The following TFF2 variants were observed in gnomAD, a reference collection of about 807,000 sequenced individuals.
TFF2 encodes the protein spasmolysin.
TFF2 carries 19 observed loss-of-function variants against 16.0 expected under a neutral mutation model. The observed-to-expected ratio is 1.19, with a 90% confidence interval of 0.83 to 1.74. The LOEUF is 1.74. TFF2 is among the 40% of genes most tolerant of loss of function. TFF2 has a pLI of 0.00. For missense variants in TFF2, 168 were observed against 166.8 expected (o/e 1.01, Z -0.04); for synonymous variants, 61 against 65.4 (o/e 0.93, Z 0.32).
intron 2 of TFF2, 144 bp from the exon 3 acceptor site, chr21:42,347,776 G>A (rs888141637): frequency 2.8e-6 from 3 of 1,075,368 alleles, no homozygotes; most frequent in Admixed American, 2.8e-5. Context: ...CCCCCGGGAC[G>A]GCCTCCCCCG....
intron 2 of TFF2, 121 bp from the exon 3 acceptor site, chr21:42,347,753 C>T (rs2052080995): frequency 3.8e-6 from 5 of 1,310,406 alleles, no homozygotes; most frequent in Non-Finnish European, 5.1e-6. Flanking sequence ...TGAGGTGCTG[C>T]CTGGGGCAGC....
chr21:42,350,153 T>TCTG, intron 1 of TFF2, 123 bp from the exon 2 acceptor site: 1 of 1,388,314 alleles, frequency 7.2e-7, no homozygotes, highest in Non-Finnish European at 9.4e-7. Context: ...AAGTCTTATC[T>TCTG]TGCCCATATT....
At chr21:42,347,984 G>C (rs1198090108) in intron 2 of TFF2, among the ~76,000 whole-genome samples, 1 of 152,136 alleles carries the variant, frequency 6.6e-6, no homozygotes, top group Non-Finnish European at 1.5e-5. Context: ...AAATGGGGTG[G>C]TCCCCCGGGC....
At position 42,347,588 on chromosome 21, in the gene TFF2, C is replaced by T; in HGVS notation, c.274G>A (p.Gly92Ser). ...TCCTCGGGGCTGATGCCCGGGTAGC[C>T]ACAGTTTCTTCGGTCTGAGACCTCC... ...VMEVSDRRNC[G>S]YPGISPEECA... is the part of the protein sequence containing the mutation. The change falls in exon 3 of 4, where the codon GGC becomes AGC. Residue 92 changes from glycine (G) to serine (S), a missense_variant. By Grantham distance (56) the Gly-to-Ser change is moderately conservative (BLOSUM62 0). Transcript: ENST00000291526. The T allele has an allele frequency of 6.2e-7, 1 of 1,614,230 alleles. No homozygotes were observed. Among genetic ancestry groups the T allele is most frequent in the Non-Finnish European group, 8.5e-7 (1 of 1,180,040 alleles).
chr21:42,349,363 C>G (rs868485448), intron 2 of TFF2, among the ~76,000 whole-genome samples: 1 of 150,896 alleles, frequency 6.6e-6, no homozygotes, highest in Non-Finnish European at 1.5e-5. Context: ...CTAGCCTACA[C>G]TAGCCCTAGA....
At chr21:42,349,229 C>G (rs577113152) in intron 2 of TFF2, among the ~76,000 whole-genome samples, 2 of 151,544 alleles carry the variant, frequency 1.3e-5, no homozygotes, top group Non-Finnish European at 2.9e-5. Flanking sequence ...GACTAACCAG[C>G]CTATGCTAGC....
At position 42,350,824 on chromosome 21, in the gene TFF2, T is replaced by C; in HGVS notation, c.79+55A>G. The C allele has an allele frequency of 2.6e-6, 4 of 1,540,360 alleles. No homozygotes were observed. In the South Asian group the frequency reaches 4.8e-5, roughly 18 times the overall value. ...AGTTAATTTATGGTTGTGCTTTTTT[T>C]TTTTCTTTAAGAGAAATAAAGAAAG... is the stretch of plus-strand genomic sequence containing the variant. On this transcript the variant is annotated intron_variant, in intron 1 of 3. Transcript: ENST00000291526.
intron 2 of TFF2, 65 bp from the exon 3 acceptor site, chr21:42,347,697 C>A: frequency 6.3e-7 from 1 of 1,579,986 alleles, no homozygotes; most frequent in East Asian, 2.3e-5. Flanking sequence ...AAGCTCCACC[C>A]CTTCCTCCTC....
chr21:42,350,860 G>T lies in TFF2; in HGVS notation c.79+19C>A, dbSNP rs370588722. The stretch of plus-strand genomic sequence containing the variant: ...GAGAAATAAAGAAAGCACATAAAAA[G>T]ACCCTCTCCTTCACTTACAGGGTTT... On this transcript the variant is annotated intron_variant, in intron 1 of 3. Coordinates refer to ENST00000291526, the MANE Select transcript of TFF2 (RefSeq NM_005423.5). The T allele has an allele frequency of 5.0e-6, 8 of 1,589,520 alleles. No homozygotes were observed. In the South Asian group the frequency reaches 6.9e-5, roughly 14 times the overall value.
chr21:42,347,962 A>G (rs1317570783), intron 2 of TFF2, among the ~76,000 whole-genome samples: 1 of 152,312 alleles, frequency 6.6e-6, no homozygotes, highest in East Asian at 1.9e-4. Context: ...CTCGGGACTC[A>G]GTGTTCTCAG....
Position 42,346,482 on chromosome 21 carries a change from T to C in TFF2, c.*51A>G. 4 of 1,611,450 alleles carry C rather than the reference T, an allele frequency of 2.5e-6. No individual in the cohort carries two copies. The highest frequency in any genetic ancestry group is 2.2e-5 in the East Asian group (1 of 44,820). On this transcript the variant is annotated 3_prime_UTR_variant, in exon 4 of 4. Coordinates refer to ENST00000291526, the MANE Select transcript of TFF2 (RefSeq NM_005423.5). Reference sequence around the variant, plus strand: ...AGCTGATAAGGCGAAGTTTCTTCTTTGGTTTCGGAACACCCGGTGAGCCAG... The same window carrying C: ...AGCTGATAAGGCGAAGTTTCTTCTTCGGTTTCGGAACACCCGGTGAGCCAG...
At chr21:42,347,357 G>A in intron 3 of TFF2, 129 bp downstream of exon 3, 1 of 1,223,738 alleles carries the variant, frequency 8.2e-7, no homozygotes, top group Non-Finnish European at 1.2e-6. Flanking sequence ...AATCCCATAG[G>A]AGGCAGGGGC....
chr21:42,346,996 C>T (rs554124465), intron 3 of TFF2, among the ~76,000 whole-genome samples: 1 of 152,334 alleles, frequency 6.6e-6, no homozygotes, highest in South Asian at 2.1e-4. Flanking sequence ...ACCCGTTCAC[C>T]TCTGCCGGCG....
Position 42,350,911 on chromosome 21 carries a change from C to G in TFF2, c.47G>C (p.Gly16Ala), listed in dbSNP as rs1397002154. Reference protein sequence around the residue: ...AQLLAALLVLGLCALAGSEKP... With the variant: ...AQLLAALLVLALCALAGSEKP... ...CTCACTCCCCGCCAGGGCACATAGC[C>G]CCAGGACGAGGAGCGCTGCCAGGAG... Residue 16 changes from glycine (G) to alanine (A), a missense_variant, in exon 1 of 4, where the codon GGG becomes GCG. Physicochemically the swap from Gly to Ala is moderately conservative, Grantham distance 60 (BLOSUM62 0). Transcript: ENST00000291526. 19 of 1,613,814 alleles carry G rather than the reference C, an allele frequency of 1.2e-5. No homozygotes were observed. The highest frequency in any genetic ancestry group is 1.6e-5 in the Non-Finnish European group (19 of 1,179,946).
intron 1 of TFF2, 91 bp downstream of exon 1, chr21:42,350,788 T>TC: frequency 7.4e-7 from 1 of 1,348,616 alleles, no homozygotes; most frequent in Non-Finnish European, 1.0e-6. Flanking sequence ...TTATAGCCAT[T>TC]CCCCCTCTCA....
At chr21:42,346,641 G>A in intron 3 of TFF2, 95 bp from the exon 4 acceptor site, 1 of 1,364,812 alleles carries the variant, frequency 7.3e-7, no homozygotes, top group Non-Finnish European at 1.0e-6. Flanking sequence ...ACTTTGCCCA[G>A]GAGCTTCCTA....
intron 2 of TFF2, among the ~76,000 whole-genome samples, chr21:42,349,058 C>T (rs1015056171): frequency 6.6e-6 from 1 of 150,532 alleles, no homozygotes; most frequent in South Asian, 2.1e-4. Flanking sequence ...ACCTGGGCTA[C>T]TAGCCTCAGA....
At chr21:42,347,071 G>A (rs1601491341) in intron 3 of TFF2, among the ~76,000 whole-genome samples, 2 of 152,334 alleles carry the variant, frequency 1.3e-5, no homozygotes, top group African/African-American at 2.4e-5. Flanking sequence ...GGGTCATGTG[G>A]GGGAGAACGG....
rs2052067833 is a variant in TFF2, at chr21:42,346,405, T to C, written c.*128A>G. On this transcript the variant is annotated 3_prime_UTR_variant, in exon 4 of 4. Transcript: ENST00000291526. ...TTTAAAGAAATTATATGTTAAACCA[T>C]TGAAAATGAGGAAAAGATGGTTAAG... 11 of 1,246,656 alleles carry C rather than the reference T, an allele frequency of 8.8e-6. No individual in the cohort carries two copies. The highest frequency in any genetic ancestry group is 2.0e-5 in the Admixed American group (1 of 51,108). The allele number at this position is 1,246,656 out of a possible 1,614,324, so 77.2% of individuals were successfully genotyped here.
Sources: allele counts gnomAD v4.1 joint callset (sites outside exome capture counted in the v4.1 genomes callset), GRCh38; gene constraint gnomAD v4.1.1; transcripts MANE v1.5; gene names NCBI Gene and HGNC (gene_info 2026-07-23, HGNC 2026-07-21).